The following CACNA2D3 variants were observed in gnomAD, a reference collection of about 807,000 sequenced individuals.
CACNA2D3 encodes the protein voltage-dependent calcium channel subunit alpha-2/delta-3.
Under a neutral mutation model 160.6 loss-of-function variants are expected in CACNA2D3, and 60 were observed. That is an observed-to-expected ratio of 0.37 (90% CI 0.30 to 0.46). The LOEUF is 0.46. Ranked by LOEUF, CACNA2D3 falls within the 20% of genes least tolerant of loss-of-function variation. The pLI is 1.00. For synonymous variants in CACNA2D3, 558 were observed against 492.9 expected (o/e 1.13, Z -1.75); for missense variants, 1,205 against 1,365.0 (o/e 0.88, Z 1.85).
intron 3 of CACNA2D3, among the ~76,000 whole-genome samples, chr3:54,344,065 C>T (rs1374638292): frequency 1.3e-5 from 2 of 152,216 alleles, no homozygotes; most frequent in East Asian, 3.9e-4. Context: ...AATTATTTTG[C>T]TGCAAATTAT....
Position 54,846,347 on chromosome 3 carries a change from C to T in CACNA2D3, c.1552-46C>T, listed in dbSNP as rs777114997. On this transcript the variant is annotated intron_variant, in intron 16 of 37. Coordinates refer to ENST00000474759, the MANE Select transcript of CACNA2D3 (RefSeq NM_018398.3). ...GGCTGCTTTATGCTTTGTGAATTCA[C>T]CAGGGAGCAAGCTAATGAAGGTTTC... The T allele has an allele frequency of 3.9e-6, 5 of 1,297,594 alleles. No homozygotes were observed. In the East Asian group the frequency reaches 1.2e-4, roughly 31 times the overall value. The allele number at this position is 1,297,594 out of a possible 1,614,324, so 80.4% of individuals were successfully genotyped here. A position where few individuals can be genotyped will look rare whatever the true frequency, so the allele number is the denominator to read the frequency against.
At chr3:54,454,380 C>T (rs1363542037) in intron 4 of CACNA2D3, among the ~76,000 whole-genome samples, 1 of 152,140 alleles carries the variant, frequency 6.6e-6, no homozygotes, top group Non-Finnish European at 1.5e-5. Flanking sequence ...TGTAGTCAGT[C>T]TCCTCACCCC....
At chr3:54,243,967 T>A (rs58438301) in intron 2 of CACNA2D3, among the ~76,000 whole-genome samples, 3,457 of 152,154 alleles carry the variant, frequency 0.023, 96 homozygotes, top group African/African-American at 0.068. Flanking sequence ...TATAGGGGGA[T>A]TTTCCTGGCA....
At chr3:54,644,547 A>G (rs1699595933) in intron 11 of CACNA2D3, among the ~76,000 whole-genome samples, 1 of 152,208 alleles carries the variant, frequency 6.6e-6, no homozygotes, top group Non-Finnish European at 1.5e-5. Context: ...TTTCTCCATT[A>G]TTTTGAATGT....
At chr3:54,168,916 G>C (rs781463168) in intron 2 of CACNA2D3, among the ~76,000 whole-genome samples, 4 of 152,182 alleles carry the variant, frequency 2.6e-5, no homozygotes, top group African/African-American at 4.8e-5. Flanking sequence ...CTGCGTGGAA[G>C]ATCTTCTGTG....
chr3:55,063,452 A>G (rs891266797), intron 35 of CACNA2D3, among the ~76,000 whole-genome samples: 5 of 152,040 alleles, frequency 3.3e-5, no homozygotes, highest in African/African-American at 2.4e-5. Context: ...TATGTTAGGC[A>G]TGGCCATCAG....
At chr3:54,794,704 A>G (rs2106655831) in intron 13 of CACNA2D3, among the ~76,000 whole-genome samples, 1 of 150,954 alleles carries the variant, frequency 6.6e-6, no homozygotes, top group Admixed American at 6.6e-5. Context: ...GTTTTCTTAT[A>G]ATACTTGAAA....
intron 13 of CACNA2D3, among the ~76,000 whole-genome samples, chr3:54,811,027 G>A (rs371184831): frequency 6.6e-6 from 1 of 152,096 alleles, no homozygotes; most frequent in Non-Finnish European, 1.5e-5. Flanking sequence ...GGATGTCCCC[G>A]ATTGAGTCCT....
intron 3 of CACNA2D3, among the ~76,000 whole-genome samples, chr3:54,359,069 C>T (rs1698699055): frequency 6.6e-6 from 1 of 151,960 alleles, no homozygotes; most frequent in South Asian, 2.1e-4. Context: ...CATAACTATG[C>T]ATTATGGGAG....
chr3:54,370,451 T>C (rs562791937), intron 3 of CACNA2D3, among the ~76,000 whole-genome samples: 4 of 152,326 alleles, frequency 2.6e-5, no homozygotes, highest in East Asian at 3.9e-4. Flanking sequence ...AAGATGCAAT[T>C]AAGAATCCAA....
intron 3 of CACNA2D3, among the ~76,000 whole-genome samples, chr3:54,346,399 C>A (rs1698459090): frequency 1.3e-5 from 2 of 152,076 alleles, no homozygotes; most frequent in Non-Finnish European, 2.9e-5. Flanking sequence ...ACCAAATAGC[C>A]TTTGCCATAG....
At chr3:54,910,081 T>A (rs1402365728) in intron 27 of CACNA2D3, among the ~76,000 whole-genome samples, 2 of 152,152 alleles carry the variant, frequency 1.3e-5, no homozygotes, top group African/African-American at 4.8e-5. Context: ...CTCTTCTGGG[T>A]GAGAAGATGT....
intron 31 of CACNA2D3, among the ~76,000 whole-genome samples, chr3:55,000,812 G>C (rs977885306): frequency 6.6e-6 from 1 of 152,076 alleles, no homozygotes; most frequent in African/African-American, 2.4e-5. Context: ...CTGGACATTG[G>C]TTATCTTGGG....
At chr3:54,380,904 T>C (rs1699092991) in intron 3 of CACNA2D3, among the ~76,000 whole-genome samples, 1 of 152,178 alleles carries the variant, frequency 6.6e-6, no homozygotes, top group Non-Finnish European at 1.5e-5. Flanking sequence ...TCTCTAACTC[T>C]GGTATTAATG....
At chr3:54,555,621 C>T (rs369779234) in intron 5 of CACNA2D3, among the ~76,000 whole-genome samples, 3 of 152,168 alleles carry the variant, frequency 2.0e-5, no homozygotes, top group South Asian at 4.2e-4. Flanking sequence ...GACTCTTACT[C>T]CCCAAACATC....
chr3:54,869,857 A>G (rs1699486127), intron 17 of CACNA2D3, among the ~76,000 whole-genome samples: 1 of 152,186 alleles, frequency 6.6e-6, no homozygotes, highest in African/African-American at 2.4e-5. Flanking sequence ...TTTCCTTAAC[A>G]AGATCCAACT....
intron 2 of CACNA2D3, among the ~76,000 whole-genome samples, chr3:54,242,736 T>C (rs1254434575): frequency 6.6e-6 from 1 of 152,136 alleles, no homozygotes; most frequent in Non-Finnish European, 1.5e-5. Flanking sequence ...AATGTATGAA[T>C]TGTTTATTTT....
intron 14 of CACNA2D3, among the ~76,000 whole-genome samples, chr3:54,818,907 G>A (rs1703522156): frequency 6.6e-6 from 1 of 152,192 alleles, no homozygotes; most frequent in Non-Finnish European, 1.5e-5. Flanking sequence ...TCAGCTCTTT[G>A]AAGAAGGAGT....
intron 3 of CACNA2D3, among the ~76,000 whole-genome samples, chr3:54,374,008 A>G (rs1698967347): frequency 6.6e-6 from 1 of 152,176 alleles, no homozygotes; most frequent in African/African-American, 2.4e-5. Context: ...TACCCTGTGG[A>G]TCACCCAGTC....
Sources: allele counts gnomAD v4.1 joint callset (sites outside exome capture counted in the v4.1 genomes callset), GRCh38; gene constraint gnomAD v4.1.1; transcripts MANE v1.5; gene names NCBI Gene and HGNC (gene_info 2026-07-23, HGNC 2026-07-21).